STXBP5L: variants seen among roughly 807,000 people sequenced by gnomAD.
The protein encoded by STXBP5L is syntaxin-binding protein 5-like.
In STXBP5L, 65 loss-of-function variants were observed where a neutral mutation model predicts 144.5. That is an observed-to-expected ratio of 0.45 (90% CI 0.37 to 0.55). STXBP5L has a LOEUF of 0.55. Among genes scored for constraint, STXBP5L ranks in the 20% least tolerant of loss-of-function variants. STXBP5L has a pLI of 0.00. For missense variants in STXBP5L, 1,298 were observed against 1,405.5 expected, an observed-to-expected ratio of 0.92 and a Z score of 1.22; for synonymous variants, 505 against 469.6, an observed-to-expected ratio of 1.08 and a Z score of -0.97.
chr3:121,041,592 T>C lies in STXBP5L; in HGVS notation c.288-108T>C. ...AAGATTTTTCAACTATTTATAAAAA[T>C]AAGGGAAACCAAATAGCAAAACATC... On this transcript the variant is annotated intron_variant, in intron 3 of 26. Transcript: ENST00000471454. 3.8e-6 allele frequency: 3 copies of C among 786,200 alleles called. No homozygotes were observed. The Admixed American group carries it at 6.9e-5, about 18-fold the overall frequency. The allele number at this position is 786,200 out of a possible 1,614,324, so 48.7% of individuals were successfully genotyped here. A position where few individuals can be genotyped will look rare whatever the true frequency, so the allele number is the denominator to read the frequency against.
chr3:121,401,835 G>A (rs2046882901), intron 22 of STXBP5L, among the ~76,000 whole-genome samples: 1 of 138,074 alleles, frequency 7.2e-6, no homozygotes, highest in African/African-American at 2.8e-5. Context: ...CATGGCACAT[G>A]TATACATATG....
intron 22 of STXBP5L, 121 bp from the exon 23 acceptor site, chr3:121,407,122 A>G (rs1303821967): frequency 3.1e-5 from 38 of 1,216,214 alleles, no homozygotes; most frequent in Non-Finnish European, 4.1e-5. Flanking sequence ...CTACAAATTC[A>G]TATACATTAG....
intron 7 of STXBP5L, among the ~76,000 whole-genome samples, chr3:121,145,232 C>T (rs984686541): frequency 1.3e-5 from 2 of 151,644 alleles, no homozygotes; most frequent in African/African-American, 4.8e-5. Flanking sequence ...GAGACAGAAT[C>T]CCACCAGCAC....
At chr3:121,092,631 G>C (rs1302919877) in intron 5 of STXBP5L, among the ~76,000 whole-genome samples, 2 of 152,160 alleles carry the variant, frequency 1.3e-5, no homozygotes, top group African/African-American at 4.8e-5. Flanking sequence ...TGCATCCTGA[G>C]ACTTTGCTGA....
chr3:121,131,801 T>A (rs1429900099), intron 7 of STXBP5L, among the ~76,000 whole-genome samples: 1 of 152,206 alleles, frequency 6.6e-6, no homozygotes, highest in African/African-American at 2.4e-5. Flanking sequence ...GGGCTTTCAT[T>A]CTTACAAACA....
intron 7 of STXBP5L, among the ~76,000 whole-genome samples, chr3:121,124,914 T>C (rs987585451): frequency 1.1e-4 from 16 of 152,144 alleles, no homozygotes; most frequent in Non-Finnish European, 2.4e-4. Context: ...TTTTATGAAG[T>C]TAAAAACATT....
At chr3:121,354,415 G>T (rs1366657294) in intron 20 of STXBP5L, among the ~76,000 whole-genome samples, 13 of 151,292 alleles carry the variant, frequency 8.6e-5, no homozygotes, top group African/African-American at 3.2e-4. Flanking sequence ...TTGTTGAATT[G>T]AACCCTTTGC....
chr3:121,141,713 G>C (rs757534687), intron 7 of STXBP5L, among the ~76,000 whole-genome samples: 39 of 152,140 alleles, frequency 2.6e-4, no homozygotes, highest in Non-Finnish European at 1.6e-4. Context: ...TTAAAATAGA[G>C]CATTAGATTT....
intron 9 of STXBP5L, among the ~76,000 whole-genome samples, chr3:121,204,601 G>A (rs1046301205): frequency 2.6e-4 from 38 of 145,554 alleles, no homozygotes; most frequent in African/African-American, 9.1e-4. Context: ...AAACTTCTAT[G>A]TAATAGATAT....
At chr3:121,210,049 A>C (rs2048496226) in intron 10 of STXBP5L, among the ~76,000 whole-genome samples, 1 of 152,334 alleles carries the variant, frequency 6.6e-6, no homozygotes, top group African/African-American at 2.4e-5. Context: ...CAGTCCCACC[A>C]ACAGTGTAAA....
At chr3:121,402,039 C>A (rs1265870663) in intron 22 of STXBP5L, among the ~76,000 whole-genome samples, 1 of 152,054 alleles carries the variant, frequency 6.6e-6, no homozygotes, top group African/African-American at 2.4e-5. Flanking sequence ...ACAAAAAGTC[C>A]CCCATAATTT....
At position 121,298,436 on chromosome 3, in the gene STXBP5L, A is replaced by G. The variant is rs139272446; in HGVS notation, c.2110+18480A>G. Among the ~76,000 whole-genome samples the G allele has an allele frequency of 1.2e-4, 18 of 152,344 alleles. No individual in the cohort carries two copies. In the East Asian group the frequency reaches 3.5e-3, roughly 29 times the overall value. On this transcript the variant is annotated intron_variant, in intron 19 of 26. Transcript: ENST00000471454. The stretch of plus-strand genomic sequence containing the variant: ...TCTTAGCAAAGAATTCTTGAATGTG[A>G]CATCAAAGGCACAGGTAATAAAGGC...
intron 9 of STXBP5L, among the ~76,000 whole-genome samples, chr3:121,174,217 G>C (rs2046843113): frequency 6.6e-6 from 1 of 151,980 alleles, no homozygotes; most frequent in African/African-American, 2.4e-5. Context: ...AATGGCACCT[G>C]TACATTCTGT....
chr3:120,956,403 C>G (rs1938039970), intron 3 of STXBP5L, among the ~76,000 whole-genome samples: 1 of 151,806 alleles, frequency 6.6e-6, no homozygotes. Flanking sequence ...CTCTAGGTAA[C>G]TTATATAAGT....
At chr3:121,204,603 A>G (rs1318570506) in intron 9 of STXBP5L, among the ~76,000 whole-genome samples, 1 of 145,822 alleles carries the variant, frequency 6.9e-6, no homozygotes, top group Non-Finnish European at 1.6e-5. Flanking sequence ...ACTTCTATGT[A>G]ATAGATATGT....
chr3:121,115,541 T>C (rs1006574562), intron 6 of STXBP5L, among the ~76,000 whole-genome samples: 9 of 152,216 alleles, frequency 5.9e-5, no homozygotes, highest in Non-Finnish European at 7.4e-5. Context: ...ATTACCACTT[T>C]GGCTTTGGCA....
chr3:121,324,898 C>A (rs151024865), intron 20 of STXBP5L, among the ~76,000 whole-genome samples: 1 of 152,030 alleles, frequency 6.6e-6, no homozygotes, highest in African/African-American at 2.4e-5. Flanking sequence ...GTCGCGGGTA[C>A]GGTCAATAGA....
chr3:121,345,814 T>A (rs1353670479), intron 20 of STXBP5L, among the ~76,000 whole-genome samples: 1 of 151,964 alleles, frequency 6.6e-6, no homozygotes, highest in Admixed American at 6.6e-5. Flanking sequence ...CTTCTTTTTT[T>A]ATATAGTAAT....
intron 20 of STXBP5L, 145 bp from the exon 21 acceptor site, chr3:121,378,570 TA>T: frequency 1.0e-6 from 1 of 958,290 alleles, no homozygotes; most frequent in Non-Finnish European, 1.4e-6. Context: ...GACTAAGTCT[TA>T]AAAGAACAAG....
Sources: gnomAD v4.1 joint callset for allele counts (sites outside exome capture counted in the v4.1 genomes callset) on GRCh38, gnomAD v4.1.1 for gene constraint, MANE v1.5 for transcripts, NCBI Gene and HGNC (gene_info 2026-07-23, HGNC 2026-07-21) for gene names.